The following NEGR1 variants were observed in gnomAD, a reference collection of about 807,000 sequenced individuals.
NEGR1 encodes IgLON family member 4.
NEGR1 carries 10 observed loss-of-function variants against 40.9 expected under a neutral mutation model. That is an observed-to-expected ratio of 0.24 (90% CI 0.15 to 0.42). The LOEUF is 0.42. NEGR1 is among the 10% of genes least tolerant of loss of function. The pLI, the probability that NEGR1 is intolerant of heterozygous loss-of-function variation, is 1.00. For synonymous variants in NEGR1, 185 were observed against 166.8 expected, an observed-to-expected ratio of 1.11 and a Z score of -0.84; for missense variants, 352 against 438.9, an observed-to-expected ratio of 0.80 and a Z score of 1.77.
intron 1 of NEGR1, among the ~76,000 whole-genome samples, chr1:72,032,965 C>A (rs1314690390): frequency 6.6e-6 from 1 of 151,900 alleles, no homozygotes; most frequent in Non-Finnish European, 1.5e-5. Context: ...AGAATAATTG[C>A]CATATAAGTG....
intron 1 of NEGR1, among the ~76,000 whole-genome samples, chr1:72,180,590 T>C (rs1652329516): frequency 6.6e-6 from 1 of 151,922 alleles, no homozygotes; most frequent in South Asian, 2.1e-4. Flanking sequence ...TATTCAAAAT[T>C]TATGAAGAAC....
intron 6 of NEGR1, among the ~76,000 whole-genome samples, chr1:71,469,062 A>G (rs1228585946): frequency 6.6e-6 from 1 of 152,036 alleles, no homozygotes; most frequent in African/African-American, 2.4e-5. Flanking sequence ...TCAAAGTGCT[A>G]TAGTTATTTG....
chr1:72,043,927 T>G lies in NEGR1; in HGVS notation c.177-108616A>C, dbSNP rs866326795. 1.1e-4 allele frequency among the ~76,000 whole-genome samples: 17 copies of G among 151,922 alleles called. No individual in the cohort carries two copies. In the Middle Eastern group the frequency reaches 0.01, roughly 91 times the overall value. On this transcript the variant is annotated intron_variant, in intron 1 of 6. Coordinates refer to ENST00000357731, the MANE Select transcript of NEGR1 (RefSeq NM_173808.3). ...CAACAGAAAAACATGTCAGAATAAA[T>G]GCTTTTTATTTCTCAATGATACAGA... is the stretch of plus-strand genomic sequence containing the variant.
At chr1:71,587,710 T>C (rs1649355062) in intron 6 of NEGR1, among the ~76,000 whole-genome samples, 1 of 151,700 alleles carries the variant, frequency 6.6e-6, no homozygotes, top group African/African-American at 2.4e-5. Flanking sequence ...ATAGCATCAT[T>C]AGGACTTGTA....
intron 1 of NEGR1, among the ~76,000 whole-genome samples, chr1:71,960,580 C>T (rs1646156746): frequency 6.6e-6 from 1 of 151,960 alleles, no homozygotes; most frequent in African/African-American, 2.4e-5. Context: ...CTTTAATGGC[C>T]AGAGCAGAGT....
intron 3 of NEGR1, among the ~76,000 whole-genome samples, chr1:71,717,011 G>A (rs568812913): frequency 6.6e-6 from 1 of 152,288 alleles, no homozygotes; most frequent in East Asian, 1.9e-4. Context: ...GAAAGTGCCT[G>A]CAAAAGTACC....
chr1:71,717,086 T>A (rs1654303744), intron 3 of NEGR1, among the ~76,000 whole-genome samples: 1 of 152,322 alleles, frequency 6.6e-6, no homozygotes, highest in Non-Finnish European at 1.5e-5. Context: ...AATTCATTAC[T>A]AGCAATGTAT....
At chr1:71,866,071 A>G (rs1039643507) in intron 2 of NEGR1, among the ~76,000 whole-genome samples, 7 of 152,150 alleles carry the variant, frequency 4.6e-5, no homozygotes, top group African/African-American at 1.7e-4. Flanking sequence ...CCTTTCAACT[A>G]TATAAACAAA....
chr1:71,840,749 ACC>A (rs1391370084), intron 2 of NEGR1, among the ~76,000 whole-genome samples: 1 of 152,168 alleles, frequency 6.6e-6, no homozygotes, highest in Admixed American at 6.6e-5. Context: ...GGACCGTGGT[ACC>A]CAAATATTTG....
At chr1:72,068,432 T>G (rs1362324353) in intron 1 of NEGR1, among the ~76,000 whole-genome samples, 1 of 152,142 alleles carries the variant, frequency 6.6e-6, no homozygotes, top group African/African-American at 2.4e-5. Context: ...TGGATGACCA[T>G]TTCCTCTGAC....
chr1:71,693,198 T>C (rs1446940796), intron 4 of NEGR1, among the ~76,000 whole-genome samples: 2 of 151,822 alleles, frequency 1.3e-5, no homozygotes, highest in Admixed American at 1.3e-4. Context: ...GTTATCTTTA[T>C]TGAATCCACC....
intron 1 of NEGR1, among the ~76,000 whole-genome samples, chr1:72,238,905 C>T (rs1654645971): frequency 6.6e-6 from 1 of 151,818 alleles, no homozygotes; most frequent in Non-Finnish European, 1.5e-5. Flanking sequence ...GTGCCTCATA[C>T]CAGGGAACCG....
At chr1:71,470,722 T>A (rs990861518) in intron 6 of NEGR1, among the ~76,000 whole-genome samples, 1 of 152,112 alleles carries the variant, frequency 6.6e-6, no homozygotes, top group Non-Finnish European at 1.5e-5. Context: ...ACAGGCAGTG[T>A]TCAAACAATG....
At chr1:71,956,176 C>T (rs1292833925) in intron 1 of NEGR1, among the ~76,000 whole-genome samples, 1 of 152,116 alleles carries the variant, frequency 6.6e-6, no homozygotes, top group Non-Finnish European at 1.5e-5. Flanking sequence ...AATCTGTCAA[C>T]TTGATTACAG....
At chr1:71,831,121 A>G (rs1223568468) in intron 2 of NEGR1, among the ~76,000 whole-genome samples, 2 of 151,966 alleles carry the variant, frequency 1.3e-5, no homozygotes, top group Non-Finnish European at 2.9e-5. Context: ...GGATGGGTCT[A>G]TGAATAAAGA....
intron 1 of NEGR1, among the ~76,000 whole-genome samples, chr1:72,133,784 ATATAT>A (rs1413339313): frequency 6.6e-6 from 1 of 151,492 alleles, no homozygotes; most frequent in Non-Finnish European, 1.5e-5. Context: ...ATAATTAATT[ATATAT>A]TATATTTCAG....
Position 71,482,353 on chromosome 1 carries a change from C to T in NEGR1, c.941-74783G>A, listed in dbSNP as rs1193795599. The stretch of plus-strand genomic sequence containing the variant: ...TTTTTAACATAGCAGGCAAAAAAAG[C>T]ACCTGCCACAGATAATCTTTCTAAA... On this transcript the variant is annotated intron_variant, in intron 6 of 6. Coordinates refer to ENST00000357731, the MANE Select transcript of NEGR1 (RefSeq NM_173808.3). 2.0e-5 allele frequency among the ~76,000 whole-genome samples: 3 copies of T among 151,826 alleles called. No individual in the cohort carries two copies. The East Asian group carries it at 5.8e-4, about 30-fold the overall frequency.
In NEGR1 at chr1:71,597,472, C is replaced by CTCTCTCTGTGTGTG. The variant is rs756076229; in HGVS notation, c.789-4505_789-4504insCACACACAGAGAGA. 1.1e-3 allele frequency among the ~76,000 whole-genome samples: 34 copies of CTCTCTCTGTGTGTG among 31,332 alleles called. 1 individual carries two copies. Among genetic ancestry groups the CTCTCTCTGTGTGTG allele is most frequent in the Middle Eastern group, 0.036 (1 of 28 alleles). The allele number at this position is 31,332 out of a possible 152,430, so 20.6% of individuals were successfully genotyped here. A position where few individuals can be genotyped will look rare whatever the true frequency, so the allele number is the denominator to read the frequency against. On this transcript the variant is annotated intron_variant, in intron 5 of 6. Transcript: ENST00000357731. ...TCTCTCTCTCTCTCTCTCTCTCTCT[C>CTCTCTCTGTGTGTG]TGTGTGTGTGTGTGTGTGTGTGTGT...
chr1:71,505,310 T>TG (rs1327049655), intron 6 of NEGR1, among the ~76,000 whole-genome samples: 3 of 151,928 alleles, frequency 2.0e-5, no homozygotes, highest in African/African-American at 7.3e-5. Context: ...TTTTTTGAGA[T>TG]GGAGTCTCGC....
Sources: allele counts gnomAD v4.1 joint callset (sites outside exome capture counted in the v4.1 genomes callset), GRCh38; gene constraint gnomAD v4.1.1; transcripts MANE v1.5; gene names NCBI Gene and HGNC (gene_info 2026-07-23, HGNC 2026-07-21).